RBFOX1: variants seen among roughly 807,000 people sequenced by gnomAD.
RBFOX1 encodes RNA binding protein fox-1 homolog 1.
In RBFOX1, 8 loss-of-function variants were observed where a neutral mutation model predicts 57.7. The observed-to-expected ratio is 0.14, with a 90% confidence interval of 0.08 to 0.25. RBFOX1 has a LOEUF of 0.25. Ranked by LOEUF, RBFOX1 falls within the 10% of genes least tolerant of loss-of-function variation. The probability of loss-of-function intolerance (pLI) is 1.00; values close to 1 mark genes in which losing one functional copy is unlikely to be tolerated. For missense variants in RBFOX1, 611 were observed against 548.5 expected (o/e 1.11, Z -1.14); for synonymous variants, 326 against 222.4 (o/e 1.47, Z -4.15).
At chr16:7,005,040 A>T (rs1488962938) in intron 3 of RBFOX1, among the ~76,000 whole-genome samples, 4 of 152,206 alleles carry the variant, frequency 2.6e-5, no homozygotes, top group Non-Finnish European at 5.9e-5. Flanking sequence ...GCTACTTGGG[A>T]GGCTGAGGCA....
chr16:5,528,548 T>C lies in RBFOX1; in HGVS notation c.258+61294T>C, dbSNP rs912096906. On this transcript the variant is annotated intron_variant, in intron 2 of 2. Coordinates refer to the RBFOX1 transcript ENST00000585867. ...GCATATTCCCCCGACAGCTCTTCTT[T>C]TTTTTTTTTTTTTTTTTCTGGCTTC... 1.5e-4 allele frequency among the ~76,000 whole-genome samples: 19 copies of C among 126,162 alleles called. No homozygotes were observed. The South Asian group carries it at 2.2e-3, about 15-fold the overall frequency. The allele number at this position is 126,162 out of a possible 152,430, so 82.8% of individuals were successfully genotyped here.
intron 1 of RBFOX1, among the ~76,000 whole-genome samples, chr16:6,108,737 C>T (rs761160441): frequency 1.3e-5 from 2 of 152,122 alleles, no homozygotes; most frequent in Admixed American, 6.6e-5. Context: ...CCTTCCTCTT[C>T]TAGCTTCTGG....
intron 2 of RBFOX1, among the ~76,000 whole-genome samples, chr16:6,345,947 A>G (rs776305770): frequency 2.2e-4 from 33 of 152,182 alleles, no homozygotes; most frequent in Non-Finnish European, 4.1e-4. Context: ...AAACAAAGGC[A>G]GGAAGACTCA....
rs191374300 is a variant in RBFOX1, at chr16:6,166,093, C to T, written c.-127+146101C>T. ...GAGTGTAGTCTTTTCTCTTCCTACTCGAATTGGTAAAAATAAATAATCAAG... is the reference window on the plus strand; with the variant it reads ...GAGTGTAGTCTTTTCTCTTCCTACTTGAATTGGTAAAAATAAATAATCAAG... On this transcript the variant is annotated intron_variant, in intron 1 of 15. Transcript: ENST00000550418. Among the ~76,000 whole-genome samples the T allele has an allele frequency of 6.9e-4, 105 of 152,262 alleles. 1 individual carries two copies. Among genetic ancestry groups the T allele is most frequent in the Admixed American group, 6.5e-3 (100 of 15,288 alleles).
At chr16:7,499,090 A>G (rs1333228748) in intron 4 of RBFOX1, among the ~76,000 whole-genome samples, 2 of 152,156 alleles carry the variant, frequency 1.3e-5, no homozygotes, top group Non-Finnish European at 2.9e-5. Flanking sequence ...AAGAACCACA[A>G]ACTGGGTGAC....
At chr16:6,939,009 T>G (rs567329680) in intron 3 of RBFOX1, among the ~76,000 whole-genome samples, 28 of 152,274 alleles carry the variant, frequency 1.8e-4, no homozygotes, top group Non-Finnish European at 4.1e-4. Context: ...GTAGTCACTT[T>G]CCTTAGAGAT....
At chr16:7,068,529 G>C (rs75240070) in intron 4 of RBFOX1, among the ~76,000 whole-genome samples, 2,919 of 152,250 alleles carry the variant, frequency 0.019, 102 homozygotes, top group African/African-American at 0.066. Context: ...TGTTACAAAA[G>C]AAGCATTGTT....
At chr16:5,971,077 C>T (rs746173427) in intron 4 of RBFOX1, among the ~76,000 whole-genome samples, 5 of 152,196 alleles carry the variant, frequency 3.3e-5, no homozygotes, top group African/African-American at 4.8e-5. Context: ...TGTCCCCTTT[C>T]GATCTTTATC....
intron 3 of RBFOX1, among the ~76,000 whole-genome samples, chr16:5,737,533 T>G (rs578167242): frequency 1.3e-5 from 2 of 152,034 alleles, no homozygotes; most frequent in African/African-American, 2.4e-5. Flanking sequence ...GATTTTTTTT[T>G]TTTTTTTTTG....
At chr16:6,362,375 C>T (rs779266265) in intron 2 of RBFOX1, among the ~76,000 whole-genome samples, 1 of 152,028 alleles carries the variant, frequency 6.6e-6, no homozygotes, top group Non-Finnish European at 1.5e-5. Context: ...GACCTGCTTC[C>T]CAAATGCTTG....
intron 3 of RBFOX1, among the ~76,000 whole-genome samples, chr16:6,706,720 T>C (rs977422680): frequency 4.0e-5 from 6 of 151,830 alleles, no homozygotes; most frequent in Non-Finnish European, 7.4e-5. Context: ...TCTTTTTTTT[T>C]TTTTTTTAAT....
chr16:7,695,486 C>G (rs2078506087), intron 14 of RBFOX1, among the ~76,000 whole-genome samples: 1 of 151,860 alleles, frequency 6.6e-6, no homozygotes, highest in Admixed American at 6.6e-5. Context: ...AACCCCATCT[C>G]TACTAAAAAT....
intron 3 of RBFOX1, among the ~76,000 whole-genome samples, chr16:6,819,515 C>T (rs11865546): frequency 6.6e-6 from 1 of 151,632 alleles, no homozygotes; most frequent in Non-Finnish European, 1.5e-5. Flanking sequence ...ACCAGCCTGA[C>T]CAGCATGGAG....
chr16:6,412,268 G>A (rs1448875758), intron 2 of RBFOX1, among the ~76,000 whole-genome samples: 1 of 152,154 alleles, frequency 6.6e-6, no homozygotes, highest in Non-Finnish European at 1.5e-5. Flanking sequence ...CCCAAGAACA[G>A]AGTGAACATG....
chr16:7,506,083 G>C (rs2073169675), intron 4 of RBFOX1, among the ~76,000 whole-genome samples: 1 of 150,388 alleles, frequency 6.6e-6, no homozygotes. Flanking sequence ...TACTTGGGAG[G>C]CTGAGGCAGG....
chr16:6,820,114 C>G lies in RBFOX1; in HGVS notation c.-16+165464C>G, dbSNP rs554080223. Reference sequence around the variant, plus strand: ...TAATAGTGAGTAAGTCTCATGAAATCTGATGGTTTTATAAAGGACACACTG... The same window carrying G: ...TAATAGTGAGTAAGTCTCATGAAATGTGATGGTTTTATAAAGGACACACTG... On this transcript the variant is annotated intron_variant, in intron 3 of 15. Transcript: ENST00000550418. Among the ~76,000 whole-genome samples, 4 of 152,202 alleles carry G rather than the reference C, an allele frequency of 2.6e-5. No individual in the cohort carries two copies. In the South Asian group the frequency reaches 8.3e-4, roughly 32 times the overall value.
At chr16:5,566,264 C>T (rs1256460408) in intron 2 of RBFOX1, among the ~76,000 whole-genome samples, 1 of 152,140 alleles carries the variant, frequency 6.6e-6, no homozygotes, top group Non-Finnish European at 1.5e-5. Flanking sequence ...GCTGAGGGTT[C>T]ATGTATTAAC....
At chr16:5,580,958 C>T (rs1010512446) in intron 2 of RBFOX1, among the ~76,000 whole-genome samples, 1 of 152,202 alleles carries the variant, frequency 6.6e-6, no homozygotes, top group African/African-American at 2.4e-5. Flanking sequence ...GCAAGGGAAA[C>T]AGTTTTCCTT....
chr16:5,765,950 C>T lies in RBFOX1; in HGVS notation c.319-101353C>T, dbSNP rs538161553. 2.6e-5 allele frequency among the ~76,000 whole-genome samples: 4 copies of T among 152,328 alleles called. No individual in the cohort carries two copies. In the South Asian group the frequency reaches 8.3e-4, roughly 32 times the overall value. Reference sequence around the variant, plus strand: ...CCACCACTACCCAGCTACATGGTTACTGCTGTTGCCATCTTTGTCTCTGGG... The same window carrying T: ...CCACCACTACCCAGCTACATGGTTATTGCTGTTGCCATCTTTGTCTCTGGG... On this transcript the variant is annotated intron_variant, in intron 3 of 19. Transcript: ENST00000641259.
Sources: allele counts gnomAD v4.1 joint callset (sites outside exome capture counted in the v4.1 genomes callset), GRCh38; gene constraint gnomAD v4.1.1; transcripts MANE v1.5; gene names NCBI Gene and HGNC (gene_info 2026-07-23, HGNC 2026-07-21).